DZIP1: variants seen among roughly 807,000 people sequenced by gnomAD.
DZIP1 encodes the protein cilium assembly protein DZIP1.
A neutral mutation model predicts 107.6 loss-of-function variants in DZIP1; 97 were observed. The ratio of observed to expected loss-of-function variants is 0.90; its 90% CI spans 0.77 to 1.07. DZIP1 has a LOEUF of 1.07. Among genes scored for constraint, DZIP1 ranks in the 50% least tolerant of loss-of-function variants. The probability of loss-of-function intolerance (pLI) is 0.00; values close to 1 mark genes in which losing one functional copy is unlikely to be tolerated. For synonymous variants in DZIP1, 390 were observed against 386.4 expected (o/e 1.01, Z -0.11); for missense variants, 1,035 against 1,063.6 (o/e 0.97, Z 0.37).
rs58289509 is a variant in DZIP1 at position 95,636,543 on chromosome 13, C to CAAA, written c.598-3225_598-3223dup. ...AGGGTGACAAAACAAGACCTTGACT[C>CAAA]AAAAAAAAAAAAAAAAATAGAAAAA... On this transcript the variant is annotated intron_variant, in intron 5 of 22. Transcript: ENST00000376829. Among the ~76,000 whole-genome samples, 215 of 118,220 alleles carry CAAA rather than the reference C, an allele frequency of 1.8e-3. 3 individuals are homozygous for CAAA. Among genetic ancestry groups the CAAA allele is most frequent in the African/African-American group, 6.7e-3 (195 of 29,218 alleles). The allele number at this position is 118,220 out of a possible 152,430, so 77.6% of individuals were successfully genotyped here.
chr13:95,641,404 A>C lies in DZIP1; in HGVS notation c.488T>G (p.Leu163Arg), dbSNP rs754376362. The C allele has an allele frequency of 6.2e-7, 1 of 1,614,046 alleles. No individual in the cohort carries two copies. Among genetic ancestry groups the C allele is most frequent in the Non-Finnish European group, 8.5e-7 (1 of 1,179,972 alleles). ...HCDGEQSKKL[L>R]TKQAGEIKTL... ...CTTGATCTCCCCCGCCTGCTTGGTG[A>C]GCAGCTTCTTGCTCTGCTCGCCGTC... Residue 163 changes from leucine (L) to arginine (R), a missense_variant, in exon 5 of 23, where the codon CTC becomes CGC. Leu to Arg is a moderately radical substitution (Grantham distance 102). Coordinates refer to ENST00000376829, the MANE Select transcript of DZIP1 (RefSeq NM_198968.4). The surrounding 1 kb of genome is among the most constrained non-coding windows in gnomAD (Gnocchi z 4.3).
chr13:95,585,385 A>G lies in DZIP1; in HGVS notation c.2350-475T>C, dbSNP rs531593812. Among the ~76,000 whole-genome samples the G allele has an allele frequency of 1.6e-4, 25 of 152,352 alleles. No individual in the cohort carries two copies. The East Asian group carries it at 4.8e-3, about 29-fold the overall frequency. On this transcript the variant is annotated intron_variant, in intron 21 of 22. Transcript: ENST00000376829. Reference sequence around the variant, plus strand: ...GCTTTTGCTCTCTCTTGAATGTCATAGGACTTTCTGTCATTTTTGGCTTGT... The same window carrying G: ...GCTTTTGCTCTCTCTTGAATGTCATGGGACTTTCTGTCATTTTTGGCTTGT...
chr13:95,606,529 T>C (rs184874786), intron 13 of DZIP1, among the ~76,000 whole-genome samples: 178 of 152,320 alleles, frequency 1.2e-3, no homozygotes, highest in Middle Eastern at 0.01. Flanking sequence ...CTTAGCACAG[T>C]GTTATCAAGG....
At position 95,590,416 on chromosome 13, in the gene DZIP1, T is replaced by C. The variant is rs763287790; in HGVS notation, c.1706A>G (p.Gln569Arg). The change falls in exon 17 of 23, where the codon CAG (glutamine) becomes CGG (arginine). Residue 569 changes from glutamine to arginine, a missense_variant. Coordinates refer to ENST00000376829, the MANE Select transcript of DZIP1 (RefSeq NM_198968.4). The stretch of plus-strand genomic sequence containing the variant: ...CACACTTTTTAGTACTCTATGCAAC[T>C]GATCACTTGAAATGCCACGTATATC... ...NADIRGISSD[Q>R]LHRVLKSVES... 9.9e-6 allele frequency: 16 copies of C among 1,608,188 alleles called. No individual in the cohort carries two copies. Among genetic ancestry groups the C allele is most frequent in the Non-Finnish European group, 1.4e-5 (16 of 1,178,540 alleles).
Position 95,633,311 on chromosome 13 carries a change from C to CA in DZIP1, c.607dup (p.Cys203LeufsTer2). On this transcript the variant is annotated frameshift_variant, in exon 6 of 23. Transcript: ENST00000376829. LOFTEE classifies it high-confidence loss of function. ...AGCTTGGTTCATAAAGGCCTTGTCA[C>CA]AAAAATGGCACTGAAAAGGAGAGAG... 1.2e-6 allele frequency: 2 copies of CA among 1,614,032 alleles called. No homozygotes were observed. The highest frequency in any genetic ancestry group is 1.7e-6 in the Non-Finnish European group (2 of 1,179,910).
At chr13:95,600,609 T>C (rs2044591013) in intron 14 of DZIP1, among the ~76,000 whole-genome samples, 1 of 148,130 alleles carries the variant, frequency 6.8e-6, no homozygotes, top group African/African-American at 2.5e-5. Flanking sequence ...GATAGATAGA[T>C]AGATAGATAG....
chr13:95,611,124 C>T (rs536356101), intron 12 of DZIP1, among the ~76,000 whole-genome samples: 2 of 152,258 alleles, frequency 1.3e-5, no homozygotes, highest in African/African-American at 4.8e-5. Context: ...AGACCTTGTG[C>T]TTTTACATGC....
chr13:95,610,111 T>TGTGTGTGTGTGA lies in DZIP1; in HGVS notation c.1364-599_1364-598insTCACACACACAC, dbSNP rs368276400. Reference sequence around the variant, plus strand: ...GTGTGTGTGTGTGTGTGTGTGTGTGTGAGAGAGAGACAGAGAGAGAGAGAC... The same window carrying TGTGTGTGTGTGA: ...GTGTGTGTGTGTGTGTGTGTGTGTGTGTGTGTGTGTGAGAGAGAGAGACAGAGAGAGAGAGAC... On this transcript the variant is annotated intron_variant, in intron 12 of 22. Coordinates refer to ENST00000376829, the MANE Select transcript of DZIP1 (RefSeq NM_198968.4). 6.6e-3 allele frequency among the ~76,000 whole-genome samples: 841 copies of TGTGTGTGTGTGA among 126,602 alleles called. 19 individuals carry two copies. Among genetic ancestry groups the TGTGTGTGTGTGA allele is most frequent in the Admixed American group, 0.01 (132 of 12,730 alleles). The allele number at this position is 126,602 out of a possible 152,430, so 83.1% of individuals were successfully genotyped here. A position where few individuals can be genotyped will look rare whatever the true frequency, so the allele number is the denominator to read the frequency against.
intron 5 of DZIP1, among the ~76,000 whole-genome samples, chr13:95,637,727 A>T (rs375806929): frequency 2.6e-5 from 4 of 152,138 alleles, no homozygotes; most frequent in South Asian, 4.2e-4. Context: ...CTCACCAGGA[A>T]CCATCCCTGT....
intron 8 of DZIP1, among the ~76,000 whole-genome samples, chr13:95,623,414 C>T (rs377482744): frequency 4.6e-5 from 7 of 152,292 alleles, no homozygotes; most frequent in East Asian, 3.9e-4. Context: ...AACACTACCA[C>T]AGCCAGGTAG....
intron 8 of DZIP1, among the ~76,000 whole-genome samples, chr13:95,623,282 A>C (rs1876127271): frequency 6.6e-6 from 1 of 152,208 alleles, no homozygotes; most frequent in Admixed American, 6.5e-5. Context: ...CTTCAAAAAC[A>C]AAAGTATGGG....
In DZIP1 at chr13:95,614,460, A is replaced by G. The variant is rs531262913; in HGVS notation, c.1174-2283T>C. On this transcript the variant is annotated intron_variant, in intron 10 of 22. Coordinates refer to ENST00000376829, the MANE Select transcript of DZIP1 (RefSeq NM_198968.4). ...AGGTTTAGGATCTCGGCCTTGATCA[A>G]CTACATGGGGAGTTGCTCCAGGCCC... Among the ~76,000 whole-genome samples the G allele has an allele frequency of 2.6e-5, 4 of 152,306 alleles. No individual in the cohort carries two copies. The East Asian group carries it at 5.8e-4, about 22-fold the overall frequency.
intron 21 of DZIP1, 82 bp from the exon 22 acceptor site, chr13:95,584,992 A>T: frequency 9.1e-7 from 1 of 1,104,206 alleles, no homozygotes. Flanking sequence ...TAGACTGAGC[A>T]TCTAACACTG....
intron 15 of DZIP1, 115 bp downstream of exon 15, chr13:95,599,250 G>C (rs934830884): frequency 9.4e-6 from 8 of 851,538 alleles, no homozygotes; most frequent in Non-Finnish European, 1.5e-5. Flanking sequence ...AAATCTAAAT[G>C]TCTTTCCTAA....
rs1878721119 is a variant in DZIP1, at chr13:95,643,088, A to G, written c.-258T>C. ...CTGCATTCTGGGCTTTGGAGAGGCT[A>G]AAATATTTCTAGCAGCGACTTGTAG... On this transcript the variant is annotated 5_prime_UTR_variant, in exon 3 of 23. An upstream open reading frame in the 5' UTR loses its in-frame stop. Transcript: ENST00000376829. 1 of 152,200 alleles carries G rather than the reference A, an allele frequency of 6.6e-6. No homozygotes were observed. Among genetic ancestry groups the G allele is most frequent in the Admixed American group, 6.5e-5 (1 of 15,278 alleles). 9.4% of individuals were successfully genotyped at this position (152,200 alleles called of 1,614,324 possible). A position where few individuals can be genotyped will look rare whatever the true frequency, so the allele number is the denominator to read the frequency against.
chr13:95,623,815 T>C (rs1876203523), intron 8 of DZIP1, among the ~76,000 whole-genome samples: 1 of 152,160 alleles, frequency 6.6e-6, no homozygotes, highest in Non-Finnish European at 1.5e-5. Flanking sequence ...GGCATGTGCC[T>C]GTAACGCCAG....
intron 12 of DZIP1, among the ~76,000 whole-genome samples, chr13:95,610,111 T>TGTGTGTGTGTGTGTGTGAGAGAGAGAGA (rs368276400): frequency 7.9e-6 from 1 of 126,666 alleles, no homozygotes; most frequent in African/African-American, 2.9e-5. Flanking sequence ...TGTGTGTGTG[T>TGTGTGTGTGTGTGTGTGAGAGAGAGAGA]GAGAGAGAGA....
rs772160998 is a variant in DZIP1 at position 95,619,956 on chromosome 13, G to A, written c.1111-9C>T. 2 of 1,612,648 alleles carry A rather than the reference G, an allele frequency of 1.2e-6. No individual in the cohort carries two copies. The highest frequency in any genetic ancestry group is 1.7e-6 in the Non-Finnish European group (2 of 1,179,544). On this transcript the variant is annotated splice_polypyrimidine_tract_variant and intron_variant, in intron 9 of 22. Coordinates refer to ENST00000376829, the MANE Select transcript of DZIP1 (RefSeq NM_198968.4). ...GCTGTCCATTTGCTTTCCTACAAAAGAATAAAAGAATAATTTATGTACAAC... is the reference window on the plus strand; with the variant it reads ...GCTGTCCATTTGCTTTCCTACAAAAAAATAAAAGAATAATTTATGTACAAC...
At chr13:95,639,314 G>A (rs1156257786) in intron 5 of DZIP1, among the ~76,000 whole-genome samples, 1 of 152,166 alleles carries the variant, frequency 6.6e-6, no homozygotes, top group Non-Finnish European at 1.5e-5. Flanking sequence ...TCTTAGGCCA[G>A]GTGTGGTGGC....
Sources: allele counts gnomAD v4.1 joint callset (sites outside exome capture counted in the v4.1 genomes callset), GRCh38; gene constraint gnomAD v4.1.1; non-coding constraint Gnocchi (gnomAD v3.1); transcripts MANE v1.5; gene names NCBI Gene and HGNC (gene_info 2026-07-23, HGNC 2026-07-21).